KDM3A: variants seen among roughly 807,000 people sequenced by gnomAD.
The protein encoded by KDM3A is lysine demethylase 3A.
Under a neutral mutation model 158.0 loss-of-function variants are expected in KDM3A, and 60 were observed. The observed-to-expected ratio is 0.38, with a 90% CI of 0.31 to 0.47. The LOEUF is 0.47. Among genes scored for constraint, KDM3A ranks in the 20% least tolerant of loss-of-function variants. KDM3A has a pLI of 0.99. For missense variants in KDM3A, 1,319 were observed against 1,574.3 expected (o/e 0.84, Z 2.74); for synonymous variants, 608 against 549.3 (o/e 1.11, Z -1.49).
chr2:86,457,036 A>T lies in KDM3A; in HGVS notation c.808A>T (p.Thr270Ser). ...ACGCAAGTCTTCTGAGAATAATGGA[A>T]CCCTGGTTTCCAAACAAGCAAAATC... is the stretch of plus-strand genomic sequence containing the variant. ...VKRKSSENNG[T>S]LVSKQAKSCS... Residue 270 changes from threonine to serine, a missense_variant, in exon 8 of 26, where the codon ACC becomes TCC. Physicochemically the swap from Thr to Ser is moderately conservative, Grantham distance 58. Transcript: ENST00000312912. 1 of 1,594,476 alleles carries T rather than the reference A, an allele frequency of 6.3e-7. No homozygotes were observed. Among genetic ancestry groups the T allele is most frequent in the Non-Finnish European group, 8.6e-7 (1 of 1,167,826 alleles).
At position 86,482,780 on chromosome 2, in the gene KDM3A, T is replaced by C. The variant is rs1674000969; in HGVS notation, c.2922+86T>C. Reference sequence around the variant, plus strand: ...GACTTCTGACAACCCCACCCCAGGCTTTCCCCCTCCTTCACCTCCTGTTTT... The same window carrying C: ...GACTTCTGACAACCCCACCCCAGGCCTTCCCCCTCCTTCACCTCCTGTTTT... On this transcript the variant is annotated intron_variant, in intron 18 of 25. Coordinates refer to ENST00000312912, the MANE Select transcript of KDM3A (RefSeq NM_018433.6). The C allele has an allele frequency of 5.6e-6, 7 of 1,249,076 alleles. 1 individual carries two copies. The highest frequency in any genetic ancestry group is 5.2e-5 in the South Asian group (4 of 76,718). The allele number at this position is 1,249,076 out of a possible 1,614,324, so 77.4% of individuals were successfully genotyped here. A position where few individuals can be genotyped will look rare whatever the true frequency, so the allele number is the denominator to read the frequency against.
chr2:86,452,940 T>C (rs1258692123), intron 4 of KDM3A, among the ~76,000 whole-genome samples: 3 of 152,208 alleles, frequency 2.0e-5, no homozygotes, highest in African/African-American at 7.2e-5. Flanking sequence ...TTGATATTTT[T>C]CCTGACTTAA....
At chr2:86,471,261 A>G (rs1453895796) in intron 11 of KDM3A, among the ~76,000 whole-genome samples, 3 of 147,884 alleles carry the variant, frequency 2.0e-5, no homozygotes, top group Admixed American at 6.7e-5. Flanking sequence ...ATGTGTGTAT[A>G]TATATGTGTA....
chr2:86,457,309 G>GT (rs527541094), intron 8 of KDM3A, among the ~76,000 whole-genome samples: 17 of 151,880 alleles, frequency 1.1e-4, no homozygotes, highest in South Asian at 6.2e-4. Context: ...TAATTTTTGT[G>GT]TTTTTTGTAG....
chr2:86,484,182 G>T lies in KDM3A; in HGVS notation c.3094+24G>T. On this transcript the variant is annotated intron_variant, in intron 19 of 25. Coordinates refer to ENST00000312912, the MANE Select transcript of KDM3A (RefSeq NM_018433.6). ...AAGTATGTATGAAAGATCTTTTAAG[G>T]GGGTTGGGGATGTGAAAGGAGGGGA... The T allele has an allele frequency of 1.9e-6, 3 of 1,600,490 alleles. No homozygotes were observed. In the South Asian group the frequency reaches 3.4e-5, roughly 18 times the overall value.
Position 86,484,009 on chromosome 2 carries a change from A to T in KDM3A, c.2945A>T (p.His982Leu), listed in dbSNP as rs1390582831. The stretch of plus-strand genomic sequence containing the variant: ...TAGCCAGTGATGGTGTCTGGAGTGC[A>T]TCATAAATTGAACTCTGAACTTTGG... ...QGQPVMVSGVHHKLNSELWKP... is the reference protein window; with the variant it reads ...QGQPVMVSGVLHKLNSELWKP... Residue 982 changes from histidine (H) to leucine (L), a missense_variant, in exon 19 of 26, where the codon CAT becomes CTT. Physicochemically the swap from His to Leu is moderately conservative, Grantham distance 99. Transcript: ENST00000312912. 1 of 1,613,644 alleles carries T rather than the reference A, an allele frequency of 6.2e-7. No individual in the cohort carries two copies.
chr2:86,471,166 A>T (rs1346552254), intron 11 of KDM3A, among the ~76,000 whole-genome samples: 2 of 152,020 alleles, frequency 1.3e-5, no homozygotes, highest in Admixed American at 1.3e-4. Flanking sequence ...AGGGAGAGGC[A>T]TACCTTTTTA....
chr2:86,474,702 TGTGTGTGTGTGTGTG>T (rs1673578547), intron 11 of KDM3A, 59 bp from the exon 12 acceptor site: 11 of 401,144 alleles, frequency 2.7e-5, no homozygotes, highest in East Asian at 3.8e-5. Flanking sequence ...GTAAATAAGT[TGTGTGTGTGTGTGTG>T]TGTGTGTGTG....
At chr2:86,484,881 C>T (rs1287880609) in intron 19 of KDM3A, 61 bp from the exon 20 acceptor site, 1 of 1,017,876 alleles carries the variant, frequency 9.8e-7, no homozygotes, top group Non-Finnish European at 1.5e-6. Context: ...GCTAATTTGT[C>T]ATTTATTTTG....
At position 86,482,043 on chromosome 2, in the gene KDM3A, C is replaced by T. The variant is rs977333832; in HGVS notation, c.2626C>T (p.Pro876Ser). The change falls in exon 17 of 26, where the codon CCC becomes TCC. Residue 876 changes from proline to serine, a missense_variant. By Grantham distance (74) the Pro-to-Ser change is moderately conservative (BLOSUM62 -1). Coordinates refer to ENST00000312912, the MANE Select transcript of KDM3A (RefSeq NM_018433.6). ...TACGTTTAACAGCACAATTTTGACA[C>T]CCGTAAGCAACAACAATTCTGGTTT... ...LHTFNSTILT[P>S]VSNNNSGFLR... is the part of the protein sequence containing the mutation. 4 of 1,614,006 alleles carry T rather than the reference C, an allele frequency of 2.5e-6. No individual in the cohort carries two copies. The Admixed American group carries it at 6.7e-5, about 27-fold the overall frequency.
At chr2:86,482,358 G>A in intron 17 of KDM3A, 100 bp from the exon 18 acceptor site, 2 of 1,536,114 alleles carry the variant, frequency 1.3e-6, no homozygotes, top group Non-Finnish European at 1.7e-6. Flanking sequence ...GTCCTGGCTT[G>A]GAATCTTCTG....
chr2:86,484,532 CTG>C (rs529931978), intron 19 of KDM3A: 12 of 244,312 alleles, frequency 4.9e-5, no homozygotes, highest in Non-Finnish European at 8.8e-5. Context: ...TTCTGGAACA[CTG>C]TAGAGGAGGA....
chr2:86,478,576 T>C (rs984238612), intron 14 of KDM3A, 32 bp from the exon 15 acceptor site: 5 of 1,610,868 alleles, frequency 3.1e-6, no homozygotes, highest in African/African-American at 1.3e-5. Context: ...CTAATATCCT[T>C]GTTCAGATGT....
At chr2:86,488,848 CCT>C (rs1674314713) in intron 21 of KDM3A, 1 of 157,690 alleles carries the variant, frequency 6.3e-6, no homozygotes, top group South Asian at 1.8e-4. Context: ...CCTCACCCCT[CCT>C]CTTTTACAGT....
At position 86,464,278 on chromosome 2, in the gene KDM3A, T is replaced by A. The variant is rs370948480; in HGVS notation, c.1007+62T>A. On this transcript the variant is annotated intron_variant, in intron 9 of 25. Coordinates refer to ENST00000312912, the MANE Select transcript of KDM3A (RefSeq NM_018433.6). Reference sequence around the variant, plus strand: ...AATAAAAAATTATTTTAGTCATGGCTCATTGTTTTTATCCCTGGTTGTCCA... The same window carrying A: ...AATAAAAAATTATTTTAGTCATGGCACATTGTTTTTATCCCTGGTTGTCCA... 44 of 1,215,078 alleles carry A rather than the reference T, an allele frequency of 3.6e-5. No individual in the cohort carries two copies. The African/African-American group carries it at 6.7e-4, about 18-fold the overall frequency. The allele number at this position is 1,215,078 out of a possible 1,614,324, so 75.3% of individuals were successfully genotyped here.
At chr2:86,438,099 TTAAGTA>T (rs1239323851), upstream of KDM3A, among the ~76,000 whole-genome samples, 2 of 152,178 alleles carry the variant, frequency 1.3e-5, no homozygotes, top group South Asian at 2.1e-4. Flanking sequence ...AGTACAATGT[TTAAGTA>T]TATTTCTGGT....
rs1673850867 is a variant in KDM3A at position 86,480,148 on chromosome 2, C to T, written c.2317-19C>T. ...CATTCTTCAGCTTATGTAAAATCGT[C>T]CTTTAATGCTTAACACAGACTTCTT... is the stretch of plus-strand genomic sequence containing the variant. On this transcript the variant is annotated intron_variant, in intron 15 of 25. Transcript: ENST00000312912. 2.5e-6 allele frequency: 4 copies of T among 1,592,132 alleles called. No homozygotes were observed. Among genetic ancestry groups the T allele is most frequent in the East Asian group, 2.2e-5 (1 of 44,792 alleles).
At chr2:86,440,616 G>A (rs1449413778), upstream of KDM3A, 2 of 152,138 alleles carry the variant, frequency 1.3e-5, no homozygotes, top group Non-Finnish European at 2.9e-5. Context: ...TGTATTTAAA[G>A]GTCTCTTTTG....
intron 23 of KDM3A, 63 bp downstream of exon 23, chr2:86,489,722 G>A: frequency 6.6e-7 from 1 of 1,520,096 alleles, no homozygotes; most frequent in South Asian, 1.3e-5. Context: ...GTTACTACAT[G>A]TGGTGAACTG....
Sources: gnomAD v4.1 joint callset for allele counts (sites outside exome capture counted in the v4.1 genomes callset) on GRCh38, gnomAD v4.1.1 for gene constraint, MANE v1.5 for transcripts, NCBI Gene and HGNC (gene_info 2026-07-23, HGNC 2026-07-21) for gene names.